RIN3: variants seen among roughly 807,000 people sequenced by gnomAD.
The protein encoded by RIN3 is Ras and Rab interactor 3, also known as RAB5 interacting protein 3.
RIN3 carries 54 observed loss-of-function variants against 76.3 expected under a neutral mutation model. The observed-to-expected ratio is 0.71, with a 90% confidence interval of 0.57 to 0.89. RIN3 has a LOEUF of 0.89. Ranked by LOEUF, RIN3 falls within the 40% of genes least tolerant of loss-of-function variation. RIN3 has a pLI of 0.00. For missense variants in RIN3, 1,256 were observed against 1,322.1 expected, an observed-to-expected ratio of 0.95 and a Z score of 0.78; for synonymous variants, 576 against 564.0, an observed-to-expected ratio of 1.02 and a Z score of -0.30.
At chr14:92,551,650 T>A (rs970580346) in intron 1 of RIN3, among the ~76,000 whole-genome samples, 2 of 152,222 alleles carry the variant, frequency 1.3e-5, no homozygotes, top group Admixed American at 1.3e-4. Flanking sequence ...ATTCTAGTGG[T>A]TGTGCCGTGG....
intron 1 of RIN3, among the ~76,000 whole-genome samples, chr14:92,550,607 TGTG>T (rs1205288118): frequency 2.6e-5 from 4 of 152,148 alleles, no homozygotes; most frequent in Non-Finnish European, 5.9e-5. Context: ...TTTGTAGAGA[TGTG>T]GTCTCACTAT....
chr14:92,661,758 C>CACACACAAAAA (rs373869994), intron 7 of RIN3, among the ~76,000 whole-genome samples: 2 of 133,240 alleles, frequency 1.5e-5, no homozygotes, highest in Non-Finnish European at 3.1e-5. Context: ...CACACACACA[C>CACACACAAAAA]AAAAAATAGA....
intron 7 of RIN3, among the ~76,000 whole-genome samples, chr14:92,672,867 G>C (rs1459747678): frequency 1.3e-5 from 2 of 152,078 alleles, no homozygotes; most frequent in African/African-American, 2.4e-5. Flanking sequence ...TCTGCTTTCT[G>C]TTTGTGGGTT....
At chr14:92,640,372 G>A (rs34777669) in intron 4 of RIN3, among the ~76,000 whole-genome samples, 1 of 36,902 alleles carries the variant, frequency 2.7e-5, no homozygotes, top group Admixed American at 2.2e-4. Context: ...CTGACTGTGC[G>A]TTTGCTGGGA....
chr14:92,543,282 G>A (rs1897167955), intron 1 of RIN3, among the ~76,000 whole-genome samples: 1 of 152,088 alleles, frequency 6.6e-6, no homozygotes, highest in African/African-American at 2.4e-5. Context: ...TAGTCCTCAT[G>A]GCCCTATAAA....
At chr14:92,536,699 G>A (rs1027432261) in intron 1 of RIN3, among the ~76,000 whole-genome samples, 7 of 147,236 alleles carry the variant, frequency 4.8e-5, no homozygotes, top group East Asian at 2.0e-4. Flanking sequence ...CTGAGATCGC[G>A]CCACTGCACT....
At chr14:92,663,788 C>T (rs189958964) in intron 7 of RIN3, among the ~76,000 whole-genome samples, 18 of 152,278 alleles carry the variant, frequency 1.2e-4, no homozygotes, top group East Asian at 9.6e-4. Context: ...ATCCCAGCTT[C>T]GGTGCTATAG....
chr14:92,592,319 T>A (rs1885005168), intron 3 of RIN3, among the ~76,000 whole-genome samples: 1 of 150,638 alleles, frequency 6.6e-6, no homozygotes, highest in African/African-American at 2.4e-5. Context: ...GAGAATTGCT[T>A]GAACCCAGGA....
At chr14:92,547,597 C>T (rs965470843) in intron 1 of RIN3, among the ~76,000 whole-genome samples, 6 of 151,854 alleles carry the variant, frequency 4.0e-5, no homozygotes, top group East Asian at 1.9e-4. Context: ...TGTCTCACCA[C>T]GTTGCCCAAG....
In RIN3 at chr14:92,652,900, C is replaced by G. The variant is rs752674865; in HGVS notation, c.1851C>G (p.Gly617=). 4.3e-6 allele frequency: 7 copies of G among 1,613,956 alleles called. No individual in the cohort carries two copies. Among genetic ancestry groups the G allele is most frequent in the Non-Finnish European group, 5.9e-6 (7 of 1,180,052 alleles). The change falls in exon 6 of 10, where the codon GGC becomes GGG. Residue 617 remains glycine (G), a synonymous_variant. Transcript: ENST00000216487. The surrounding 1 kb of genome is among the most constrained non-coding windows in gnomAD (Gnocchi z 6.4). The part of the protein sequence containing the change: ...ELAQDKGSYF[G]SLVQDYKVYS... ...CGCAGGACAAGGGCTCGTACTTTGGCAGCCTGGTGCAGGACTACAAGGTGT... is the reference window on the plus strand; with the variant it reads ...CGCAGGACAAGGGCTCGTACTTTGGGAGCCTGGTGCAGGACTACAAGGTGT...
At chr14:92,622,065 C>T (rs908016277) in intron 4 of RIN3, among the ~76,000 whole-genome samples, 2 of 152,158 alleles carry the variant, frequency 1.3e-5, no homozygotes, top group African/African-American at 4.8e-5. Flanking sequence ...AGAACAGCAG[C>T]ACAAGTGGGA....
chr14:92,606,129 A>G (rs1051294480), intron 3 of RIN3, among the ~76,000 whole-genome samples: 3 of 145,982 alleles, frequency 2.1e-5, no homozygotes, highest in Admixed American at 6.9e-5. Context: ...AGCAGAGGGA[A>G]CCCCAGAGCC....
chr14:92,563,789 G>C (rs1054955300), intron 2 of RIN3, among the ~76,000 whole-genome samples: 4 of 152,188 alleles, frequency 2.6e-5, no homozygotes, highest in Admixed American at 1.3e-4. Flanking sequence ...GGAAAGGTGG[G>C]CCTCAGTTTC....
At chr14:92,554,190 C>T (rs2140033291) in intron 1 of RIN3, among the ~76,000 whole-genome samples, 1 of 152,192 alleles carries the variant, frequency 6.6e-6, no homozygotes, top group East Asian at 1.9e-4. Context: ...GCACACAGAC[C>T]TTCTGGCCCA....
At chr14:92,566,400 C>T (rs1897917144) in intron 2 of RIN3, among the ~76,000 whole-genome samples, 1 of 152,168 alleles carries the variant, frequency 6.6e-6, no homozygotes, top group South Asian at 2.1e-4. Flanking sequence ...CTTTCTCCTC[C>T]TAGGCTCTGC....
intron 5 of RIN3, among the ~76,000 whole-genome samples, chr14:92,642,608 G>A (rs1887056735): frequency 1.3e-5 from 2 of 152,188 alleles, no homozygotes; most frequent in Non-Finnish European, 2.9e-5. Flanking sequence ...TTGTTCACCA[G>A]TGTTGATGGA....
At chr14:92,631,569 C>G (rs1004952907) in intron 4 of RIN3, among the ~76,000 whole-genome samples, 3 of 152,032 alleles carry the variant, frequency 2.0e-5, no homozygotes, top group African/African-American at 7.3e-5. Context: ...CTCAGTGGGT[C>G]TGGGGTGGGA....
At chr14:92,542,916 C>T (rs1217422239) in intron 1 of RIN3, among the ~76,000 whole-genome samples, 2 of 152,058 alleles carry the variant, frequency 1.3e-5, no homozygotes, top group Non-Finnish European at 2.9e-5. Context: ...TGAGTGGTTG[C>T]CTCGGGCTAG....
Position 92,652,714 on chromosome 14 carries a change from G to C in RIN3, c.1665G>C (p.Thr555=), listed in dbSNP as rs753715420. ...AGGACTCCTACTCCACCAGCAGCAC[G>C]GAGGAGGAGCTGGAGCAGTTCAGCA... ...TDQDSYSTSS[T]EEELEQFSSP... The change falls in exon 6 of 10, where the codon ACG becomes ACC. Residue 555 remains threonine, a synonymous_variant. Coordinates refer to ENST00000216487, the MANE Select transcript of RIN3 (RefSeq NM_024832.5). The surrounding 1 kb of genome is among the most constrained non-coding windows in gnomAD (Gnocchi z 6.4). The C allele has an allele frequency of 6.2e-7, 1 of 1,613,648 alleles. No homozygotes were observed. The highest frequency in any genetic ancestry group is 8.5e-7 in the Non-Finnish European group (1 of 1,180,032).
Sources: gnomAD v4.1 joint callset for allele counts (sites outside exome capture counted in the v4.1 genomes callset) on GRCh38, gnomAD v4.1.1 for gene constraint, Gnocchi (gnomAD v3.1) non-coding constraint, MANE v1.5 for transcripts, NCBI Gene and HGNC (gene_info 2026-07-23, HGNC 2026-07-21) for gene names.